The following PLA2G4A variants were observed in gnomAD, a reference collection of about 807,000 sequenced individuals.
The protein encoded by PLA2G4A is cytosolic phospholipase A2.
A neutral mutation model predicts 81.9 loss-of-function variants in PLA2G4A; 40 were observed. That is an observed-to-expected ratio of 0.49 (90% CI 0.38 to 0.64). The LOEUF is 0.64. Among genes scored for constraint, PLA2G4A ranks in the 30% least tolerant of loss-of-function variants. The pLI, the probability that PLA2G4A is intolerant of heterozygous loss-of-function variation, is 0.00. For missense variants in PLA2G4A, 715 were observed against 905.1 expected, an observed-to-expected ratio of 0.79 and a Z score of 2.69; for synonymous variants, 302 against 296.9, an observed-to-expected ratio of 1.02 and a Z score of -0.18.
At chr1:186,900,061 A>C (rs886832127) in intron 5 of PLA2G4A, among the ~76,000 whole-genome samples, 1 of 152,260 alleles carries the variant, frequency 6.6e-6, no homozygotes, top group Admixed American at 6.5e-5. Flanking sequence ...CCATTGATAA[A>C]ATCTGGGTTA....
chr1:186,969,985 A>G (rs920103701), intron 15 of PLA2G4A, among the ~76,000 whole-genome samples: 3 of 151,996 alleles, frequency 2.0e-5, no homozygotes, highest in Non-Finnish European at 4.4e-5. Context: ...AGGAACCTCC[A>G]TACTGTTTTC....
intron 15 of PLA2G4A, among the ~76,000 whole-genome samples, chr1:186,968,444 A>G (rs1236444064): frequency 1.6e-5 from 1 of 61,510 alleles, no homozygotes; most frequent in East Asian, 5.5e-4. Flanking sequence ...ATGTGTCTAT[A>G]CCAGGGTCAT....
At chr1:186,872,090 G>C (rs1054632983) in intron 3 of PLA2G4A, among the ~76,000 whole-genome samples, 4 of 152,082 alleles carry the variant, frequency 2.6e-5, no homozygotes, top group Non-Finnish European at 4.4e-5. Flanking sequence ...TTTCATGACA[G>C]GTGAGGAGAG....
At chr1:186,883,623 A>G (rs114900352) in intron 3 of PLA2G4A, among the ~76,000 whole-genome samples, 2,407 of 152,302 alleles carry the variant, frequency 0.016, 29 homozygotes, top group Admixed American at 0.023. Flanking sequence ...AAGAAAGTCC[A>G]CAGTTTAGTG....
chr1:186,861,454 A>G (rs1377195632), intron 2 of PLA2G4A, among the ~76,000 whole-genome samples: 1 of 151,992 alleles, frequency 6.6e-6, no homozygotes, highest in Non-Finnish European at 1.5e-5. Context: ...ATGCTTTCCT[A>G]TCTAGTTAGT....
chr1:186,832,682 T>C (rs1279087067), intron 1 of PLA2G4A, among the ~76,000 whole-genome samples: 1 of 152,212 alleles, frequency 6.6e-6, no homozygotes, highest in Non-Finnish European at 1.5e-5. Context: ...TATATGTCTA[T>C]GTTTGTGAAT....
chr1:186,845,518 C>T (rs1558354731), intron 1 of PLA2G4A, among the ~76,000 whole-genome samples: 1 of 152,118 alleles, frequency 6.6e-6, no homozygotes, highest in East Asian at 1.9e-4. Flanking sequence ...ATTCTGGCTG[C>T]AGTCAAGAAG....
chr1:186,950,543 A>AT (rs2102241370), intron 12 of PLA2G4A, 114 bp from the exon 13 acceptor site: 2 of 641,696 alleles, frequency 3.1e-6, no homozygotes, highest in Non-Finnish European at 5.7e-6. Flanking sequence ...AATTTATACT[A>AT]GTAGAGCTAG....
chr1:186,887,404 C>T (rs866480568), intron 3 of PLA2G4A, among the ~76,000 whole-genome samples: 2 of 152,060 alleles, frequency 1.3e-5, no homozygotes, highest in African/African-American at 2.4e-5. Context: ...TTCAGGCAGG[C>T]GCTCCTTAAA....
chr1:186,897,777 G>A (rs1425274839), intron 5 of PLA2G4A, among the ~76,000 whole-genome samples: 1 of 152,174 alleles, frequency 6.6e-6, no homozygotes, highest in African/African-American at 2.4e-5. Flanking sequence ...CCAAAGTGCT[G>A]GGATTGCAGG....
intron 3 of PLA2G4A, among the ~76,000 whole-genome samples, chr1:186,880,267 T>C (rs542518205): frequency 6.6e-6 from 1 of 152,132 alleles, no homozygotes; most frequent in Admixed American, 6.6e-5. Flanking sequence ...AGCCTTTTAA[T>C]ATATGGAATG....
At chr1:186,890,353 G>A (rs569682196) in intron 3 of PLA2G4A, among the ~76,000 whole-genome samples, 2 of 152,230 alleles carry the variant, frequency 1.3e-5, no homozygotes, top group South Asian at 4.1e-4. Context: ...AGTATAGTGT[G>A]TCCAGTGCTG....
chr1:186,970,496 G>C (rs1657314652), intron 15 of PLA2G4A, among the ~76,000 whole-genome samples: 1 of 151,940 alleles, frequency 6.6e-6, no homozygotes, highest in African/African-American at 2.4e-5. Context: ...CAGTGTCCTG[G>C]AGTGTTTTCC....
At chr1:186,912,557 A>G (rs1654985427) in intron 7 of PLA2G4A, among the ~76,000 whole-genome samples, 1 of 151,960 alleles carries the variant, frequency 6.6e-6, no homozygotes, top group Non-Finnish European at 1.5e-5. Context: ...TTGGAATCAT[A>G]CAGTATGTAG....
At chr1:186,870,950 A>T (rs889029607) in intron 3 of PLA2G4A, among the ~76,000 whole-genome samples, 4 of 152,220 alleles carry the variant, frequency 2.6e-5, no homozygotes, top group African/African-American at 9.6e-5. Context: ...AGCCGAGATC[A>T]CTTGGAGTCA....
At chr1:186,959,423 T>G (rs898919264) in intron 14 of PLA2G4A, among the ~76,000 whole-genome samples, 6 of 152,192 alleles carry the variant, frequency 3.9e-5, no homozygotes, top group Non-Finnish European at 5.9e-5. Flanking sequence ...CTAAAATTAT[T>G]TTAAATTAAT....
intron 5 of PLA2G4A, among the ~76,000 whole-genome samples, chr1:186,903,714 G>T (rs10737274): frequency 0.37 from 56,653 of 152,034 alleles, 12,400 homozygotes; most frequent in Non-Finnish European, 0.49. Flanking sequence ...CACATGGAAG[G>T]CTTAGTTGCA....
chr1:186,950,724 C>G lies in PLA2G4A; in HGVS notation c.1332C>G (p.Pro444=), dbSNP rs1656529020. 6.3e-7 allele frequency: 1 copy of G among 1,580,284 alleles called. No individual in the cohort carries two copies. ...SSDSDDESHE[P]KGTENEDAGS... is the part of the protein sequence containing the mutation. ...ACAGTGATGATGAATCACACGAACC[C>G]AAAGGTGAGTGAGCCGGAAACTTTT... Residue 444 remains proline, a synonymous_variant, in exon 13 of 18, where the codon CCC becomes CCG. Coordinates refer to ENST00000367466, the MANE Select transcript of PLA2G4A (RefSeq NM_024420.3).
chr1:186,935,616 A>G (rs1384000651), intron 8 of PLA2G4A, among the ~76,000 whole-genome samples: 1 of 151,964 alleles, frequency 6.6e-6, no homozygotes, highest in Non-Finnish European at 1.5e-5. Context: ...TTAACCAGGG[A>G]AAGAAGAGAT....
Sources: gnomAD v4.1 joint callset for allele counts (sites outside exome capture counted in the v4.1 genomes callset) on GRCh38, gnomAD v4.1.1 for gene constraint, MANE v1.5 for transcripts, NCBI Gene and HGNC (gene_info 2026-07-23, HGNC 2026-07-21) for gene names.